Variants in RBFOX1 observed in about 807,000 individuals in gnomAD.
RBFOX1 encodes RNA binding fox-1 homolog 1, also known as RNA binding protein fox-1 homolog 1.
RBFOX1 carries 8 observed loss-of-function variants against 57.7 expected under a neutral mutation model. That is an observed-to-expected ratio of 0.14 (90% CI 0.08 to 0.25). The LOEUF is 0.25. Among genes scored for constraint, RBFOX1 ranks in the 10% least tolerant of loss-of-function variants. The pLI is 1.00. For synonymous variants in RBFOX1, 326 were observed against 222.4 expected (o/e 1.47, Z -4.15); for missense variants, 611 against 548.5 (o/e 1.11, Z -1.14).
intron 4 of RBFOX1, among the ~76,000 whole-genome samples, chr16:5,873,422 G>T (rs962305064): frequency 1.3e-5 from 2 of 152,292 alleles, no homozygotes; most frequent in Admixed American, 1.3e-4. Flanking sequence ...ATTTTGCCCA[G>T]TCATGCTTTG....
chr16:7,231,484 T>G (rs952080516), intron 4 of RBFOX1, among the ~76,000 whole-genome samples: 1 of 152,168 alleles, frequency 6.6e-6, no homozygotes, highest in Non-Finnish European at 1.5e-5. Context: ...AGGCAGTTCC[T>G]CGGGAAGTTA....
intron 3 of RBFOX1, among the ~76,000 whole-genome samples, chr16:5,685,144 G>C (rs1022693899): frequency 6.6e-6 from 1 of 152,178 alleles, no homozygotes; most frequent in African/African-American, 2.4e-5. Flanking sequence ...AAGATCAGCA[G>C]GAACTGGAAC....
chr16:6,245,425 A>G (rs2097563824), intron 1 of RBFOX1, among the ~76,000 whole-genome samples: 3 of 152,096 alleles, frequency 2.0e-5, no homozygotes, highest in Admixed American at 2.0e-4. Flanking sequence ...TCATTTATCT[A>G]TTCATTCACT....
intron 3 of RBFOX1, among the ~76,000 whole-genome samples, chr16:6,754,592 C>G (rs564605066): frequency 6.6e-6 from 1 of 152,062 alleles, no homozygotes; most frequent in East Asian, 1.9e-4. Context: ...TAATTTTTTG[C>G]ATTGGTTGTG....
Position 7,483,369 on chromosome 16 carries a change from GTTA to G in RBFOX1, c.28-34775_28-34773del, listed in dbSNP as rs145569144. On this transcript the variant is annotated intron_variant, in intron 4 of 15. Transcript: ENST00000550418. ...TTACTGAACCTGTGAATTGGGGCAA[GTTA>G]TTTATCTCTTCTAGATTCATTTCCC... Among the ~76,000 whole-genome samples the G allele has an allele frequency of 3.6e-3, 547 of 152,312 alleles. 1 individual carries two copies. Among genetic ancestry groups the G allele is most frequent in the Non-Finnish European group, 6.3e-3 (428 of 68,030 alleles).
chr16:6,408,760 A>G (rs1423043441), intron 2 of RBFOX1, among the ~76,000 whole-genome samples: 1 of 152,178 alleles, frequency 6.6e-6, no homozygotes, highest in South Asian at 2.1e-4. Flanking sequence ...AGGTCAAACA[A>G]CAAGTCAGGT....
At chr16:7,225,905 A>AATATATATATATATATATATATATATAT (rs1555600461) in intron 4 of RBFOX1, among the ~76,000 whole-genome samples, 38 of 93,718 alleles carry the variant, frequency 4.1e-4, no homozygotes, top group Admixed American at 8.8e-4. Context: ...AAGTATAATA[A>AATATATATATATATATATATATATATAT]ATATATATAT....
intron 1 of RBFOX1, among the ~76,000 whole-genome samples, chr16:6,166,378 C>T (rs1329243323): frequency 2.8e-5 from 4 of 141,224 alleles, no homozygotes; most frequent in Admixed American, 7.0e-5. Context: ...GCTCATCTAG[C>T]TTAAGGTGGC....
At chr16:6,489,980 T>C (rs2095595346) in intron 2 of RBFOX1, among the ~76,000 whole-genome samples, 1 of 152,206 alleles carries the variant, frequency 6.6e-6, no homozygotes, top group Non-Finnish European at 1.5e-5. Flanking sequence ...CTTAAGTCTT[T>C]GCTTTCTGAT....
intron 2 of RBFOX1, among the ~76,000 whole-genome samples, chr16:6,389,355 C>T (rs985837207): frequency 1.3e-5 from 2 of 152,218 alleles, no homozygotes; most frequent in African/African-American, 4.8e-5. Flanking sequence ...ACATATCCTT[C>T]ATTTTTTTGT....
At chr16:5,465,711 A>G (rs531487254) in intron 1 of RBFOX1, among the ~76,000 whole-genome samples, 2 of 152,340 alleles carry the variant, frequency 1.3e-5, no homozygotes, top group African/African-American at 2.4e-5. Context: ...AATAGCTGTT[A>G]ACACTCAGGC....
intron 2 of RBFOX1, among the ~76,000 whole-genome samples, chr16:6,524,246 T>G (rs9926818): frequency 0.11 from 17,335 of 152,160 alleles, 3,075 homozygotes; most frequent in African/African-American, 0.38. Flanking sequence ...ATATGCACTG[T>G]GTGACTTTCT....
intron 4 of RBFOX1, among the ~76,000 whole-genome samples, chr16:5,993,368 T>A (rs2152321668): frequency 9.9e-6 from 1 of 101,022 alleles, no homozygotes; most frequent in Middle Eastern, 5.8e-3. Context: ...TGTGTGTGTG[T>A]GTGTGTGTGT....
intron 1 of RBFOX1, among the ~76,000 whole-genome samples, chr16:6,213,326 C>G (rs1247549711): frequency 6.6e-6 from 1 of 152,164 alleles, no homozygotes; most frequent in Non-Finnish European, 1.5e-5. Context: ...ATCTGTTCCA[C>G]TTTCTCTTAG....
chr16:5,549,157 G>C (rs896525023), intron 2 of RBFOX1, among the ~76,000 whole-genome samples: 1 of 152,170 alleles, frequency 6.6e-6, no homozygotes, highest in Non-Finnish European at 1.5e-5. Flanking sequence ...CCTGAACATT[G>C]CAGATGGTTG....
chr16:7,342,942 C>G lies in RBFOX1; in HGVS notation c.28-175205C>G, dbSNP rs146756654. Among the ~76,000 whole-genome samples the G allele has an allele frequency of 2.2e-4, 33 of 152,256 alleles. No individual in the cohort carries two copies. In the East Asian group the frequency reaches 6.0e-3, roughly 28 times the overall value. On this transcript the variant is annotated intron_variant, in intron 4 of 15. Coordinates refer to ENST00000550418, the MANE Select transcript of RBFOX1 (RefSeq NM_018723.4). ...AAGAAACACGTGAAGGAGAGTTGAT[C>G]AGTTTCAATAATGTTGAATCCTTGC...
intron 3 of RBFOX1, among the ~76,000 whole-genome samples, chr16:6,962,795 A>G (rs1221974746): frequency 6.6e-6 from 1 of 152,020 alleles, no homozygotes; most frequent in Non-Finnish European, 1.5e-5. Context: ...AGCCCAGGAG[A>G]TGGAGGCTGC....
At chr16:6,695,799 C>A (rs1019529517) in intron 3 of RBFOX1, among the ~76,000 whole-genome samples, 1 of 152,174 alleles carries the variant, frequency 6.6e-6, no homozygotes, top group African/African-American at 2.4e-5. Context: ...TTGATATCTT[C>A]ATTGTCATGT....
In RBFOX1 at chr16:6,088,750, C is replaced by G. The variant is rs187061128; in HGVS notation, c.-127+68758C>G. On this transcript the variant is annotated intron_variant, in intron 1 of 15. Transcript: ENST00000550418. ...CAGACTGTAGGTATTACATGTAAAACTTGTGTGAGTAATTTCCTGAAGAAG... is the reference window on the plus strand; with the variant it reads ...CAGACTGTAGGTATTACATGTAAAAGTTGTGTGAGTAATTTCCTGAAGAAG... 1.6e-4 allele frequency among the ~76,000 whole-genome samples: 24 copies of G among 152,252 alleles called. 1 individual carries two copies. The highest frequency in any genetic ancestry group is 4.8e-4 in the African/African-American group (20 of 41,542).
Sources: allele counts gnomAD v4.1 joint callset (sites outside exome capture counted in the v4.1 genomes callset), GRCh38; gene constraint gnomAD v4.1.1; transcripts MANE v1.5; gene names NCBI Gene and HGNC (gene_info 2026-07-23, HGNC 2026-07-21).